GAPVD1: variants seen among roughly 807,000 people sequenced by gnomAD.
GAPVD1 encodes the protein GTPase activating protein and VPS9 domains 1.
GAPVD1 carries 35 observed loss-of-function variants against 155.5 expected under a neutral mutation model. The observed-to-expected ratio is 0.23, with a 90% CI of 0.17 to 0.30. GAPVD1 has a LOEUF of 0.30. Ranked by LOEUF, GAPVD1 falls within the 10% of genes least tolerant of loss-of-function variation. The pLI is 1.00. For missense variants in GAPVD1, 1,429 were observed against 1,775.7 expected, an observed-to-expected ratio of 0.80 and a Z score of 3.51; for synonymous variants, 636 against 619.7, an observed-to-expected ratio of 1.03 and a Z score of -0.39.
chr9:125,337,421 T>A lies in GAPVD1; in HGVS notation c.2707T>A (p.Ser903Thr). 6.2e-7 allele frequency: 1 copy of A among 1,614,136 alleles called. No homozygotes were observed. Among genetic ancestry groups the A allele is most frequent in the Non-Finnish European group, 8.5e-7 (1 of 1,179,978 alleles). Residue 903 changes from serine to threonine, a missense_variant, in exon 17 of 28, where the codon TCT becomes ACT. Physicochemically the swap from Ser to Thr is moderately conservative, Grantham distance 58. Transcript: ENST00000297933. ...TGAGAGACTAGTTCGAAGCAGGAGC[T>A]CTGATATAGTATCTTCTGTCCGGAG... ...YPERLVRSRS[S>T]DIVSSVRRPM...
intron 2 of GAPVD1, among the ~76,000 whole-genome samples, chr9:125,294,240 A>G (rs1839459310): frequency 6.6e-6 from 1 of 150,836 alleles, no homozygotes; most frequent in African/African-American, 2.4e-5. Flanking sequence ...AGGGTTTCAC[A>G]GTGTTGGTCA....
At chr9:125,351,525 G>A (rs1849289427) in intron 23 of GAPVD1, among the ~76,000 whole-genome samples, 1 of 152,120 alleles carries the variant, frequency 6.6e-6, no homozygotes, top group African/African-American at 2.4e-5. Context: ...TCAAAATCAA[G>A]TTAGTTACTT....
At chr9:125,263,845 G>A (rs997454662) in intron 1 of GAPVD1, 22 of 1,216,868 alleles carry the variant, frequency 1.8e-5, no homozygotes, top group Admixed American at 1.7e-4. Flanking sequence ...TACAGTCTCC[G>A]GGGGGCAGAT....
intron 1 of GAPVD1, chr9:125,263,784 T>A: frequency 2.0e-6 from 2 of 998,276 alleles, no homozygotes; most frequent in Non-Finnish European, 3.2e-6. Flanking sequence ...CCTCCAGACC[T>A]TTAGGCTGAG....
chr9:125,305,587 T>C (rs1588817013), intron 6 of GAPVD1, among the ~76,000 whole-genome samples: 1 of 152,136 alleles, frequency 6.6e-6, no homozygotes, highest in Admixed American at 6.6e-5. Flanking sequence ...GCCAGGCTGG[T>C]CTTGAACTCA....
intron 2 of GAPVD1, among the ~76,000 whole-genome samples, chr9:125,285,453 G>GTTTTTTTTTTTTTT (rs10659223): frequency 1.1e-5 from 1 of 94,686 alleles, no homozygotes; most frequent in Non-Finnish European, 2.0e-5. Flanking sequence ...TTTTTTCTTT[G>GTTTTTTTTTTTTTT]TTTTTTTTTT....
intron 1 of GAPVD1, among the ~76,000 whole-genome samples, chr9:125,266,537 T>C (rs1263955169): frequency 6.6e-6 from 1 of 151,968 alleles, no homozygotes; most frequent in East Asian, 1.9e-4. Flanking sequence ...ATGGTCTTGA[T>C]CTCCTGACCT....
chr9:125,282,236 G>A (rs957031591), intron 2 of GAPVD1, among the ~76,000 whole-genome samples: 1 of 152,092 alleles, frequency 6.6e-6, no homozygotes, highest in Non-Finnish European at 1.5e-5. Context: ...CTGAGATCAC[G>A]CCACTGCACT....
rs1306737385 is a variant in GAPVD1, at chr9:125,302,393, C to T, written c.596C>T (p.Thr199Ile). 6.2e-7 allele frequency: 1 copy of T among 1,614,052 alleles called. No homozygotes were observed. Among genetic ancestry groups the T allele is most frequent in the Admixed American group, 1.7e-5 (1 of 59,998 alleles). ...LFSAKLFLTA[T>I]LHEPIMQLLV... ...TCTGCCAAACTTTTCCTCACAGCCA[C>T]TTTACATGAGCCAATTATGCAACTG... Residue 199 changes from threonine (T) to isoleucine (I), a missense_variant, in exon 5 of 28, where the codon ACT (threonine) becomes ATT (isoleucine). By Grantham distance (89) the Thr-to-Ile change is moderately conservative (BLOSUM62 -1). This residue lies in a region of GAPVD1 where 628 missense variants were observed against 733.4 expected (regional missense o/e 0.86). Coordinates refer to ENST00000297933, the MANE Select transcript of GAPVD1 (RefSeq NM_001282680.3).
intron 2 of GAPVD1, among the ~76,000 whole-genome samples, chr9:125,293,570 C>T (rs1272311226): frequency 1.1e-5 from 1 of 87,638 alleles, no homozygotes; most frequent in Non-Finnish European, 2.5e-5. Context: ...CTGCTTCAGC[C>T]TCCCGAGTAG....
chr9:125,350,451 C>A, intron 22 of GAPVD1, 47 bp downstream of exon 22: 1 of 1,195,470 alleles, frequency 8.4e-7, no homozygotes, highest in Non-Finnish European at 1.2e-6. Context: ...TTATGGGTTG[C>A]ACCATATGAA....
intron 21 of GAPVD1, among the ~76,000 whole-genome samples, chr9:125,349,747 C>G (rs1415876866): frequency 1.3e-5 from 2 of 151,924 alleles, no homozygotes; most frequent in Non-Finnish European, 2.9e-5. Context: ...GCCTGTAATC[C>G]CAGCACTTTA....
chr9:125,346,254 A>G (rs1054267446), intron 19 of GAPVD1: 6 of 160,764 alleles, frequency 3.7e-5, no homozygotes, highest in Admixed American at 1.9e-4. Context: ...CATTGCATGC[A>G]CAAAAGTGCT....
rs1846167765 is a variant in GAPVD1, at chr9:125,332,050, T to G, written c.2298T>G (p.Ser766Arg). The G allele has an allele frequency of 1.2e-6, 2 of 1,613,974 alleles. No homozygotes were observed. Among genetic ancestry groups the G allele is most frequent in the Non-Finnish European group, 1.7e-6 (2 of 1,179,962 alleles). The change falls in exon 14 of 28, where the codon AGT becomes AGG. Residue 766 changes from serine to arginine, a missense_variant. Ser to Arg is a moderately radical substitution (Grantham distance 110). Coordinates refer to ENST00000297933, the MANE Select transcript of GAPVD1 (RefSeq NM_001282680.3). ...VSSRPSTPGL[S>R]VVSGISATSE... ...CCCGCCCCAGCACACCAGGCCTCAGTGTTGTGTCCGGTATGTCTGTCTTGT... is the reference window on the plus strand; with the variant it reads ...CCCGCCCCAGCACACCAGGCCTCAGGGTTGTGTCCGGTATGTCTGTCTTGT...
chr9:125,305,216 A>T (rs1363867997), intron 6 of GAPVD1, 67 bp downstream of exon 6: 1 of 1,024,474 alleles, frequency 9.8e-7, no homozygotes, highest in African/African-American at 1.6e-5. Context: ...TCTTTATTAA[A>T]TCTTGTCCTT....
rs187755183 is a variant in GAPVD1, at chr9:125,349,989, T to C, written c.3300-306T>C. Among the ~76,000 whole-genome samples, 133 of 152,300 alleles carry C rather than the reference T, an allele frequency of 8.7e-4. 1 individual carries two copies. The highest frequency in any genetic ancestry group is 9.7e-4 in the Non-Finnish European group (66 of 68,040). ...TTCTGACTTCCGTGGTCCCTCCCACTCTGCCATAATATGCTTTTCCGATTC... is the reference window on the plus strand; with the variant it reads ...TTCTGACTTCCGTGGTCCCTCCCACCCTGCCATAATATGCTTTTCCGATTC... On this transcript the variant is annotated intron_variant, in intron 21 of 27. Transcript: ENST00000297933.
intron 11 of GAPVD1, among the ~76,000 whole-genome samples, chr9:125,325,911 A>G (rs1845101956): frequency 6.6e-6 from 1 of 152,216 alleles, no homozygotes; most frequent in Non-Finnish European, 1.5e-5. Context: ...ATTCTGTGCC[A>G]TTCTGAATAA....
At chr9:125,332,470 GTTC>G (rs764996949) in intron 14 of GAPVD1, 37 bp from the exon 15 acceptor site, 16 of 1,491,320 alleles carry the variant, frequency 1.1e-5, no homozygotes, top group African/African-American at 4.2e-5. Flanking sequence ...TGGATATTTT[GTTC>G]TTCTTCCTGT....
At chr9:125,324,631 T>C (rs763552833) in intron 11 of GAPVD1, among the ~76,000 whole-genome samples, 1 of 152,108 alleles carries the variant, frequency 6.6e-6, no homozygotes, top group Non-Finnish European at 1.5e-5. Flanking sequence ...GAAGAAAATA[T>C]TAGCCTTGAG....
Sources: gnomAD v4.1 joint callset for allele counts (sites outside exome capture counted in the v4.1 genomes callset) on GRCh38, gnomAD v4.1.1 for gene constraint, gnomAD v4.1.1 regional missense constraint, MANE v1.5 for transcripts, NCBI Gene and HGNC (gene_info 2026-07-23, HGNC 2026-07-21) for gene names.